Variants in PARN observed in about 807,000 individuals in gnomAD.
PARN encodes the protein poly(A)-specific ribonuclease PARN.
PARN carries 71 observed loss-of-function variants against 102.8 expected under a neutral mutation model. The ratio of observed to expected loss-of-function variants is 0.69; its 90% confidence interval spans 0.57 to 0.84. The LOEUF (loss-of-function observed/expected upper bound fraction) is 0.84, where lower values mean the gene tolerates loss of function less well. PARN is among the 40% of genes least tolerant of loss of function. PARN has a pLI of 0.00. For missense variants in PARN, 782 were observed against 760.9 expected (o/e 1.03, Z -0.33); for synonymous variants, 261 against 252.9 (o/e 1.03, Z -0.30).
chr16:14,614,802 C>T (rs1230600430), intron 6 of PARN, among the ~76,000 whole-genome samples: 1 of 120,768 alleles, frequency 8.3e-6, no homozygotes, highest in Non-Finnish European at 1.6e-5. Context: ...GAGCTGAGAT[C>T]GCACCATTGC....
chr16:14,538,113 C>T (rs987770768), intron 21 of PARN, among the ~76,000 whole-genome samples: 1 of 151,678 alleles, frequency 6.6e-6, no homozygotes, highest in African/African-American at 2.4e-5. Context: ...TATGAAAATA[C>T]TTATCTAGGC....
At chr16:14,540,063 G>T (rs562953480) in intron 21 of PARN, among the ~76,000 whole-genome samples, 1 of 152,298 alleles carries the variant, frequency 6.6e-6, no homozygotes, top group South Asian at 2.1e-4. Flanking sequence ...GGATTTTGAA[G>T]TCTGCATGGA....
chr16:14,610,489 ATTT>A (rs35054309), intron 7 of PARN, among the ~76,000 whole-genome samples, 152 bp downstream of exon 7: 3 of 149,616 alleles, frequency 2.0e-5, no homozygotes, highest in South Asian at 2.1e-4. Context: ...AAAAAAAAAA[ATTT>A]TTTTTTTAAT....
At chr16:14,487,259 G>A (rs1276764106) in intron 21 of PARN, among the ~76,000 whole-genome samples, 1 of 152,248 alleles carries the variant, frequency 6.6e-6, no homozygotes, top group African/African-American at 2.4e-5. Flanking sequence ...AAGCTGGCTT[G>A]AAACCAGGAT....
chr16:14,521,952 T>C (rs1965756523), intron 21 of PARN, among the ~76,000 whole-genome samples: 2 of 152,208 alleles, frequency 1.3e-5, no homozygotes, highest in Admixed American at 1.3e-4. Context: ...GCCTACTGTA[T>C]TCAGTACAGT....
chr16:14,441,412 G>C (rs987168091), intron 23 of PARN, among the ~76,000 whole-genome samples: 2 of 152,216 alleles, frequency 1.3e-5, no homozygotes, highest in African/African-American at 4.8e-5. Context: ...GCTTTTTCCA[G>C]GTGAATCCCA....
chr16:14,615,897 T>C (rs563951625), intron 6 of PARN, among the ~76,000 whole-genome samples: 2 of 145,340 alleles, frequency 1.4e-5, no homozygotes, highest in Admixed American at 1.4e-4. Context: ...TGAGATTCTG[T>C]CTCAAAAAAA....
chr16:14,444,668 G>A (rs180965663), intron 23 of PARN, among the ~76,000 whole-genome samples: 12 of 152,298 alleles, frequency 7.9e-5, no homozygotes, highest in African/African-American at 2.9e-4. Flanking sequence ...AAACCCCCCT[G>A]CCCCTCTAAA....
At chr16:14,566,403 G>A (rs894825641) in intron 18 of PARN, among the ~76,000 whole-genome samples, 2 of 152,106 alleles carry the variant, frequency 1.3e-5, no homozygotes, top group East Asian at 1.9e-4. Context: ...GCCAAGGAAC[G>A]CCTGCAGCCA....
intron 21 of PARN, among the ~76,000 whole-genome samples, chr16:14,517,885 G>A (rs1459326930): frequency 2.0e-5 from 3 of 151,892 alleles, no homozygotes; most frequent in African/African-American, 7.3e-5. Flanking sequence ...TGGCCAGGCT[G>A]GTCTCAAACT....
chr16:14,568,001 C>T (rs1177407010), intron 18 of PARN, among the ~76,000 whole-genome samples: 1 of 152,068 alleles, frequency 6.6e-6, no homozygotes, highest in African/African-American at 2.4e-5. Context: ...CGTATGTGGG[C>T]CACTTTGCTT....
chr16:14,438,814 A>G (rs971940148), intron 23 of PARN, among the ~76,000 whole-genome samples: 2 of 152,138 alleles, frequency 1.3e-5, no homozygotes, highest in African/African-American at 4.8e-5. Flanking sequence ...GCTGAGCGAG[A>G]ATGATGTGTA....
intron 13 of PARN, among the ~76,000 whole-genome samples, chr16:14,587,911 G>T (rs1203837501): frequency 6.6e-6 from 1 of 152,154 alleles, no homozygotes; most frequent in East Asian, 1.9e-4. Context: ...AATGTGTTAA[G>T]TCAGGCCATT....
chr16:14,613,721 A>T (rs183992121), intron 6 of PARN, among the ~76,000 whole-genome samples: 3 of 152,372 alleles, frequency 2.0e-5, no homozygotes, highest in African/African-American at 7.2e-5. Flanking sequence ...GCTTAAAGCA[A>T]GAACTATCAA....
At chr16:14,489,625 A>G (rs1173068852) in intron 21 of PARN, among the ~76,000 whole-genome samples, 3 of 152,160 alleles carry the variant, frequency 2.0e-5, no homozygotes, top group Admixed American at 6.5e-5. Flanking sequence ...CATGTGGTGT[A>G]AATGCGTACT....
chr16:14,475,803 T>C (rs528382234), intron 22 of PARN, among the ~76,000 whole-genome samples: 1 of 152,376 alleles, frequency 6.6e-6, no homozygotes, highest in East Asian at 1.9e-4. Context: ...CCTGAATTTT[T>C]ACATTTATAT....
At chr16:14,579,266 C>G (rs1268886968) in intron 18 of PARN, among the ~76,000 whole-genome samples, 1 of 152,208 alleles carries the variant, frequency 6.6e-6, no homozygotes, top group Admixed American at 6.5e-5. Context: ...CTATACCCAG[C>G]CCAGCTAAGC....
chr16:14,566,564 G>A lies in PARN; in HGVS notation c.1263-10855C>T, dbSNP rs142953533. ...CTTGGTATTTTAAGCCACCAAGCTT[G>A]CAGTAACTTGTCACAGCAGCCACAG... On this transcript the variant is annotated intron_variant, in intron 18 of 23. Coordinates refer to ENST00000437198, the MANE Select transcript of PARN (RefSeq NM_002582.4). Among the ~76,000 whole-genome samples, 677 of 152,304 alleles carry A rather than the reference G, an allele frequency of 4.4e-3. 9 individuals carry two copies. Among genetic ancestry groups the A allele is most frequent in the African/African-American group, 0.016 (650 of 41,572 alleles).
chr16:14,460,177 T>A (rs1961886545), intron 22 of PARN, among the ~76,000 whole-genome samples: 1 of 152,164 alleles, frequency 6.6e-6, no homozygotes, highest in South Asian at 2.1e-4. Context: ...CTCAACATCC[T>A]ACACAGAAAG....
Sources: gnomAD v4.1 joint callset for allele counts (sites outside exome capture counted in the v4.1 genomes callset) on GRCh38, gnomAD v4.1.1 for gene constraint, MANE v1.5 for transcripts, NCBI Gene and HGNC (gene_info 2026-07-23, HGNC 2026-07-21) for gene names.